CAMKMT: variants seen among roughly 807,000 people sequenced by gnomAD.
CAMKMT encodes the protein CaM KMT.
In CAMKMT, 53 loss-of-function variants were observed where a neutral mutation model predicts 48.0. The observed-to-expected ratio is 1.10, with a 90% CI of 0.89 to 1.39. The LOEUF (loss-of-function observed/expected upper bound fraction) is 1.39, where lower values mean the gene tolerates loss of function less well. Ranked by LOEUF, CAMKMT falls within the 40% of genes most tolerant of loss-of-function variation. CAMKMT has a pLI of 0.00. For missense variants in CAMKMT, 428 were observed against 402.7 expected, an observed-to-expected ratio of 1.06 and a Z score of -0.54; for synonymous variants, 165 against 152.3, an observed-to-expected ratio of 1.08 and a Z score of -0.61.
chr2:44,443,512 T>C (rs1194818468), intron 3 of CAMKMT, among the ~76,000 whole-genome samples: 1 of 152,154 alleles, frequency 6.6e-6, no homozygotes, highest in Non-Finnish European at 1.5e-5. Flanking sequence ...GTGCTTAGTT[T>C]TGGAATTTAA....
rs144796662 is a variant in CAMKMT at position 44,483,867 on chromosome 2, A to G, written c.376+93562A>G. On this transcript the variant is annotated intron_variant, in intron 3 of 10. Coordinates refer to ENST00000378494, the MANE Select transcript of CAMKMT (RefSeq NM_024766.5). The stretch of plus-strand genomic sequence containing the variant: ...GTGGAGCTTCTGAATATCCCCTGAG[A>G]TTTTAGAAGTATATGATACTGGCAG... Among the ~76,000 whole-genome samples, 12 of 152,226 alleles carry G rather than the reference A, an allele frequency of 7.9e-5. No homozygotes were observed. In the East Asian group the frequency reaches 2.3e-3, roughly 29 times the overall value.
chr2:44,371,673 T>G (rs1679193801), intron 1 of CAMKMT, among the ~76,000 whole-genome samples: 1 of 152,196 alleles, frequency 6.6e-6, no homozygotes, highest in Admixed American at 6.5e-5. Flanking sequence ...GCTGTGTTTA[T>G]TCTCACTTCT....
At chr2:44,454,407 C>T (rs550338711) in intron 3 of CAMKMT, among the ~76,000 whole-genome samples, 3 of 151,928 alleles carry the variant, frequency 2.0e-5, no homozygotes, top group Non-Finnish European at 2.9e-5. Flanking sequence ...TGTTTCTGAC[C>T]CTACCAGTAA....
At chr2:44,667,823 C>T (rs1056456114) in intron 3 of CAMKMT, among the ~76,000 whole-genome samples, 1 of 152,186 alleles carries the variant, frequency 6.6e-6, no homozygotes, top group Non-Finnish European at 1.5e-5. Context: ...ACCTCCACTC[C>T]AACACCGTTT....
intron 3 of CAMKMT, among the ~76,000 whole-genome samples, chr2:44,592,900 G>A (rs1003868587): frequency 1.6e-4 from 24 of 152,118 alleles, no homozygotes; most frequent in Non-Finnish European, 2.9e-5. Flanking sequence ...GCTCTATTGG[G>A]TGGTGTGTTC....
intron 3 of CAMKMT, among the ~76,000 whole-genome samples, chr2:44,656,171 A>G (rs1674365494): frequency 6.6e-6 from 1 of 152,232 alleles, no homozygotes; most frequent in Non-Finnish European, 1.5e-5. Context: ...AATGATTTCA[A>G]GTTATCTACA....
chr2:44,499,331 T>C (rs1458781297), intron 3 of CAMKMT, among the ~76,000 whole-genome samples: 1 of 152,200 alleles, frequency 6.6e-6, no homozygotes, highest in Non-Finnish European at 1.5e-5. Context: ...TCTATTACTT[T>C]GTAGGATCAT....
At chr2:44,691,976 A>G (rs959748443) in intron 3 of CAMKMT, among the ~76,000 whole-genome samples, 1 of 152,154 alleles carries the variant, frequency 6.6e-6, no homozygotes, top group South Asian at 2.1e-4. Flanking sequence ...ACTTAATCAT[A>G]TATTGTACAG....
chr2:44,717,919 T>C (rs987672596), intron 7 of CAMKMT, among the ~76,000 whole-genome samples: 4 of 151,984 alleles, frequency 2.6e-5, no homozygotes, highest in African/African-American at 9.7e-5. Flanking sequence ...CCGATGATGT[T>C]CTCAGTAACT....
intron 6 of CAMKMT, among the ~76,000 whole-genome samples, chr2:44,710,618 C>CT (rs141082048): frequency 0.16 from 23,897 of 148,914 alleles, 2,124 homozygotes; most frequent in South Asian, 0.35. Flanking sequence ...TGTTCCTTTT[C>CT]TTTTTTTTTT....
At chr2:44,415,774 G>A (rs1683509810) in intron 3 of CAMKMT, among the ~76,000 whole-genome samples, 1 of 152,160 alleles carries the variant, frequency 6.6e-6, no homozygotes. Flanking sequence ...TGGGAAGTGT[G>A]CTAGAAATCA....
chr2:44,475,244 G>T (rs1668626369), intron 3 of CAMKMT, among the ~76,000 whole-genome samples: 1 of 151,896 alleles, frequency 6.6e-6, no homozygotes, highest in African/African-American at 2.4e-5. Context: ...GGTTGGACTT[G>T]TTCTGAATAA....
chr2:44,613,618 G>A (rs1671715307), intron 3 of CAMKMT, among the ~76,000 whole-genome samples: 1 of 152,206 alleles, frequency 6.6e-6, no homozygotes. Context: ...TGAATCAGTA[G>A]TAATAATTAT....
At chr2:44,646,593 A>C (rs1198595423) in intron 3 of CAMKMT, among the ~76,000 whole-genome samples, 2 of 152,196 alleles carry the variant, frequency 1.3e-5, no homozygotes, top group African/African-American at 4.8e-5. Flanking sequence ...ACTTTATACT[A>C]AGGTGAACAT....
chr2:44,687,913 A>G (rs1676428017), intron 3 of CAMKMT, among the ~76,000 whole-genome samples: 1 of 152,254 alleles, frequency 6.6e-6, no homozygotes, highest in Non-Finnish European at 1.5e-5. Flanking sequence ...ACAAAAGAGC[A>G]GTTTTAGCAC....
intron 3 of CAMKMT, among the ~76,000 whole-genome samples, chr2:44,493,019 G>C (rs1032693956): frequency 6.6e-6 from 1 of 151,686 alleles, no homozygotes; most frequent in Middle Eastern, 3.4e-3. Flanking sequence ...TCAGCCTCCT[G>C]AGTAGCTGGG....
intron 9 of CAMKMT, among the ~76,000 whole-genome samples, chr2:44,761,057 G>A (rs1680596755): frequency 6.6e-6 from 1 of 152,192 alleles, no homozygotes. Flanking sequence ...CTGGTGGTGT[G>A]TGATTGGCAC....
At chr2:44,661,339 G>A (rs1299360899) in intron 3 of CAMKMT, among the ~76,000 whole-genome samples, 8 of 116,126 alleles carry the variant, frequency 6.9e-5, no homozygotes, top group East Asian at 4.6e-4. Context: ...TTTTTGAGAC[G>A]GAGTCTCGCT....
At chr2:44,678,673 T>C (rs1005416345) in intron 3 of CAMKMT, among the ~76,000 whole-genome samples, 14 of 152,214 alleles carry the variant, frequency 9.2e-5, no homozygotes, top group African/African-American at 2.9e-4. Context: ...AGCCATGTTA[T>C]GTTTTGTGCT....
Sources: gnomAD v4.1 joint callset for allele counts (sites outside exome capture counted in the v4.1 genomes callset) on GRCh38, gnomAD v4.1.1 for gene constraint, MANE v1.5 for transcripts, NCBI Gene and HGNC (gene_info 2026-07-23, HGNC 2026-07-21) for gene names.